Variants in NPSR1 observed in about 807,000 individuals in gnomAD.
NPSR1 encodes neuropeptide S receptor.
NPSR1 carries 48 observed loss-of-function variants against 46.9 expected under a neutral mutation model. The observed-to-expected ratio is 1.02, with a 90% confidence interval of 0.81 to 1.30. The LOEUF is 1.30. Ranked by LOEUF, NPSR1 falls within the 50% of genes most tolerant of loss-of-function variation. NPSR1 has a pLI of 0.00. For synonymous variants in NPSR1, 176 were observed against 168.1 expected (o/e 1.05, Z -0.36); for missense variants, 450 against 449.5 (o/e 1.00, Z -0.01).
intron 1 of NPSR1, among the ~76,000 whole-genome samples, chr7:34,661,002 A>G (rs1269204108): frequency 2.0e-5 from 3 of 152,212 alleles, no homozygotes; most frequent in Non-Finnish European, 4.4e-5. Context: ...AGTAAAATGA[A>G]TGCCTTATAT....
chr7:34,852,178 TA>T (rs1407668666), downstream of NPSR1, among the ~76,000 whole-genome samples: 1 of 152,060 alleles, frequency 6.6e-6, no homozygotes, highest in Non-Finnish European at 1.5e-5. Flanking sequence ...CTGGCGCCTG[TA>T]GTCCCAGCTA....
At chr7:34,830,357 GA>G (rs370565258) in intron 5 of NPSR1, among the ~76,000 whole-genome samples, 512 of 149,764 alleles carry the variant, frequency 3.4e-3, no homozygotes, top group African/African-American at 0.012. Context: ...CAAATTGACA[GA>G]AAAAAAAACA....
chr7:34,727,199 A>G (rs1784200616), intron 2 of NPSR1, among the ~76,000 whole-genome samples: 1 of 152,084 alleles, frequency 6.6e-6, no homozygotes, highest in African/African-American at 2.4e-5. Context: ...TGTTTTTTTT[A>G]ATGATGCATA....
At chr7:34,684,774 ATGT>A in intron 2 of NPSR1, 90 bp downstream of exon 2, 3 of 851,246 alleles carry the variant, frequency 3.5e-6, no homozygotes, top group South Asian at 2.2e-5. Flanking sequence ...AAAAAAAAAA[ATGT>A]AACGCATCGG....
intron 2 of NPSR1, among the ~76,000 whole-genome samples, chr7:34,693,767 C>T (rs1244832607): frequency 6.6e-6 from 1 of 152,114 alleles, no homozygotes; most frequent in Non-Finnish European, 1.5e-5. Flanking sequence ...ACCAGCAAAC[C>T]AAATCCAACA....
Position 34,827,475 on chromosome 7 carries a change from T to C in NPSR1, c.553T>C (p.Phe185Leu), listed in dbSNP as rs1284415024. The change falls in exon 5 of 9, where the codon TTT (phenylalanine) becomes CTT (leucine). Residue 185 changes from phenylalanine (F) to leucine (L), a missense_variant. Coordinates refer to ENST00000360581, the MANE Select transcript of NPSR1 (RefSeq NM_207172.2). ...FLFSIPTLII[F>L]GKRTLSNGEV... is the part of the protein sequence containing the mutation. ...GTTCTCCATTCCCACCCTGATCATA[T>C]TTGGGAAGAGGACACTGTCCAACGG... 1.9e-5 allele frequency: 30 copies of C among 1,613,898 alleles called. No homozygotes were observed. The highest frequency in any genetic ancestry group is 2.5e-5 in the Non-Finnish European group (30 of 1,179,962).
chr7:34,697,374 C>A (rs972485795), intron 2 of NPSR1, among the ~76,000 whole-genome samples: 1 of 151,680 alleles, frequency 6.6e-6, no homozygotes, highest in Non-Finnish European at 1.5e-5. Flanking sequence ...TGAAAACTGA[C>A]ATTACTAGCA....
intron 6 of NPSR1, among the ~76,000 whole-genome samples, chr7:34,837,358 C>CT (rs1191694182): frequency 6.6e-6 from 1 of 152,220 alleles, no homozygotes; most frequent in Non-Finnish European, 1.5e-5. Context: ...CTTAGACCCT[C>CT]TAAGGCCCAC....
intron 2 of NPSR1, among the ~76,000 whole-genome samples, chr7:34,731,706 T>C (rs1405452831): frequency 6.6e-6 from 1 of 152,054 alleles, no homozygotes; most frequent in Non-Finnish European, 1.5e-5. Context: ...GAGAGATTGG[T>C]TTTTCACTAC....
intron 3 of NPSR1, among the ~76,000 whole-genome samples, chr7:34,796,870 C>T (rs151109439): frequency 1.1e-3 from 170 of 152,286 alleles, no homozygotes; most frequent in Non-Finnish European, 1.8e-3. Flanking sequence ...CAAACACCTG[C>T]ATACAAACGT....
chr7:34,696,688 T>C (rs886241270), intron 2 of NPSR1, among the ~76,000 whole-genome samples: 1 of 151,102 alleles, frequency 6.6e-6, no homozygotes, highest in Non-Finnish European at 1.5e-5. Flanking sequence ...GGACAAAAAA[T>C]ACAAAAAGAA....
intron 2 of NPSR1, among the ~76,000 whole-genome samples, chr7:34,758,472 A>G (rs971989475): frequency 3.9e-5 from 6 of 152,178 alleles, no homozygotes; most frequent in African/African-American, 1.2e-4. Flanking sequence ...CTTGCTCAAC[A>G]TGTTGCCCAT....
chr7:34,827,497 A>G lies in NPSR1; in HGVS notation c.575A>G (p.Asn192Ser), dbSNP rs1159685581. Residue 192 changes from asparagine (N) to serine (S), a missense_variant, in exon 5 of 9, where the codon AAC (asparagine) becomes AGC (serine). Transcript: ENST00000360581. ...ATATTTGGGAAGAGGACACTGTCCA[A>G]CGGTGAAGTGCAGTGCTGGGCCCTG... Reference protein sequence around the residue: ...LIIFGKRTLSNGEVQCWALWP... With the variant: ...LIIFGKRTLSSGEVQCWALWP... The G allele has an allele frequency of 1.9e-6, 3 of 1,613,906 alleles. No homozygotes were observed. Among genetic ancestry groups the G allele is most frequent in the Non-Finnish European group, 2.5e-6 (3 of 1,179,940 alleles).
chr7:34,720,277 G>GAA (rs35040022), intron 2 of NPSR1, among the ~76,000 whole-genome samples: 70 of 139,516 alleles, frequency 5.0e-4, no homozygotes, highest in South Asian at 1.2e-3. Context: ...AAGATTCCGA[G>GAA]AAAAAAAAAA....
At chr7:34,735,628 G>T (rs1383669821) in intron 2 of NPSR1, among the ~76,000 whole-genome samples, 5 of 152,204 alleles carry the variant, frequency 3.3e-5, no homozygotes, top group African/African-American at 9.6e-5. Context: ...AGTAGTGCTT[G>T]ATTAGTTAGT....
chr7:34,750,661 TG>T (rs1361406831), intron 2 of NPSR1: 11 of 697,226 alleles, frequency 1.6e-5, no homozygotes, highest in Non-Finnish European at 2.7e-5. Flanking sequence ...TGCCCATAAC[TG>T]ACAAAAAAGA....
chr7:34,790,974 TTATATGTTATATTATA>T (rs1562730234), intron 3 of NPSR1, among the ~76,000 whole-genome samples: 28 of 72,210 alleles, frequency 3.9e-4, no homozygotes, highest in East Asian at 1.9e-3. Context: ...ATTATATATG[TTATATGTTATATTATA>T]TATGTTATAT....
intron 1 of NPSR1, 138 bp from the exon 2 acceptor site, chr7:34,684,414 C>A: frequency 1.3e-6 from 1 of 752,100 alleles, no homozygotes; most frequent in African/African-American, 1.8e-5. Context: ...ACCATTTTGT[C>A]ATTGTTTTCT....
chr7:34,689,858 T>C (rs1793156340), intron 2 of NPSR1, among the ~76,000 whole-genome samples: 3 of 151,216 alleles, frequency 2.0e-5, no homozygotes, highest in African/African-American at 7.3e-5. Context: ...GGTGGGAGAA[T>C]TATTGGTGCC....
Sources: gnomAD v4.1 joint callset for allele counts (sites outside exome capture counted in the v4.1 genomes callset) on GRCh38, gnomAD v4.1.1 for gene constraint, MANE v1.5 for transcripts, NCBI Gene and HGNC (gene_info 2026-07-23, HGNC 2026-07-21) for gene names.